TRIM21: variants seen among roughly 807,000 people sequenced by gnomAD.
The protein encoded by TRIM21 is tripartite motif containing 21.
A neutral mutation model predicts 36.1 loss-of-function variants in TRIM21; 35 were observed. The ratio of observed to expected loss-of-function variants is 0.97; its 90% CI spans 0.74 to 1.28. TRIM21 has a LOEUF of 1.28. TRIM21 is among the 50% of genes most tolerant of loss of function. The pLI, the probability that TRIM21 is intolerant of heterozygous loss-of-function variation, is 0.00. For synonymous variants in TRIM21, 256 were observed against 211.5 expected, an observed-to-expected ratio of 1.21 and a Z score of -1.83; for missense variants, 635 against 570.7, an observed-to-expected ratio of 1.11 and a Z score of -1.15.
Position 4,385,734 on chromosome 11 carries a change from T to C in TRIM21, c.979A>G (p.Ser327Gly). Reference protein sequence around the residue: ...SIPGNEERFDSYPMVLGAQHF... With the variant: ...SIPGNEERFDGYPMVLGAQHF... ...TGGGCACCCAGGACCATAGGATAAC[T>C]ATCAAATCTCTCTTCATTTCCAGGT... Residue 327 changes from serine to glycine, a missense_variant, in exon 7 of 7, where the codon AGT becomes GGT. Physicochemically the swap from Ser to Gly is moderately conservative, Grantham distance 56. Transcript: ENST00000254436. The C allele has an allele frequency of 6.2e-7, 1 of 1,613,328 alleles. No homozygotes were observed. The highest frequency in any genetic ancestry group is 8.5e-7 in the Non-Finnish European group (1 of 1,179,666).
rs1218159424 is a variant in TRIM21 at position 4,390,107 on chromosome 11, C to G, written c.303G>C (p.Leu101=). The G allele has an allele frequency of 1.1e-5, 18 of 1,614,038 alleles. No individual in the cohort carries two copies. Among genetic ancestry groups the G allele is most frequent in the Non-Finnish European group, 1.4e-5 (17 of 1,179,908 alleles). Residue 101 remains leucine, a synonymous_variant, in exon 2 of 7, where the codon CTG becomes CTC. Transcript: ENST00000254436. ...RCAVHGERLH[L]FCEKDGKALC... ...GGGCCTTCCCATCTTTCTCACAGAA[C>G]AGGTGAAGTCTCTCTCCATGCACTG...
chr11:4,390,049 G>T lies in TRIM21; in HGVS notation c.361C>A (p.Arg121Ser), dbSNP rs191468264. 1 of 1,613,934 alleles carries T rather than the reference G, an allele frequency of 6.2e-7. No individual in the cohort carries two copies. Among genetic ancestry groups the T allele is most frequent in the South Asian group, 1.1e-5 (1 of 91,076 alleles). Residue 121 changes from arginine (R) to serine (S), a missense_variant, in exon 2 of 7, where the codon CGT becomes AGT. Arg to Ser is a moderately radical substitution (Grantham distance 110). Coordinates refer to ENST00000254436, the MANE Select transcript of TRIM21 (RefSeq NM_003141.4). ...CWVCAQSRKH[R>S]DHAMVPLEEA... ...TCAAGAGGGACCATGGCGTGGTCACGGTGTTTCCGAGACTGGGCACATACC... is the reference window on the plus strand; with the variant it reads ...TCAAGAGGGACCATGGCGTGGTCACTGTGTTTCCGAGACTGGGCACATACC...
At chr11:4,389,909 C>T (rs2094960875) in intron 2 of TRIM21, 93 bp downstream of exon 2, 1 of 1,534,688 alleles carries the variant, frequency 6.5e-7, no homozygotes, top group Non-Finnish European at 8.9e-7. Context: ...GAGGTAAACC[C>T]CTCCTTTCTC....
Position 4,388,381 on chromosome 11 carries a change from CA to C in TRIM21, c.653del (p.Leu218ArgfsTer15). 2.5e-6 allele frequency: 4 copies of C among 1,613,984 alleles called. 1 individual carries two copies. The highest frequency in any genetic ancestry group is 1.7e-6 in the Non-Finnish European group (2 of 1,179,892). On this transcript the variant is annotated frameshift_variant, in exon 4 of 7. Transcript: ENST00000254436. LOFTEE classifies it high-confidence loss of function. Reference sequence around the variant, plus strand: ...CCTGTAGGGCCTGGCTCTGCTGGGCCAGCTTGGCCTCTTTCTCCCCCAGGAT... The same window carrying C: ...CCTGTAGGGCCTGGCTCTGCTGGGCCGCTTGGCCTCTTTCTCCCCCAGGAT... ...LRILGEKEAK[L>X]AQQSQALQEL...
chr11:4,389,941 G>T, intron 2 of TRIM21, 61 bp downstream of exon 2: 6 of 1,579,746 alleles, frequency 3.8e-6, no homozygotes, highest in Non-Finnish European at 5.2e-6. Flanking sequence ...ATCCAGAGGT[G>T]GTCCTCTCCC....
chr11:4,392,829 A>G (rs1361961936), intron 1 of TRIM21, among the ~76,000 whole-genome samples: 1 of 151,966 alleles, frequency 6.6e-6, no homozygotes, highest in Non-Finnish European at 1.5e-5. Context: ...TCCTGCTTAA[A>G]CCCTCAGTGC....
Position 4,385,487 on chromosome 11 carries a change from A to C in TRIM21, c.1226T>G (p.Ile409Ser). Residue 409 changes from isoleucine to serine, a missense_variant, in exon 7 of 7, where the codon ATT (isoleucine) becomes AGT (serine). Ile to Ser is a moderately radical substitution (Grantham distance 142). Transcript: ENST00000254436. ...CATGCCAGCCTCATAGTCCAGGAAA[A>C]TCCCAACTTGGCATGGAGGCACCTG... ...HLQVPPCQVG[I>S]FLDYEAGMVS... 1 of 1,612,164 alleles carries C rather than the reference A, an allele frequency of 6.2e-7. No individual in the cohort carries two copies. The highest frequency in any genetic ancestry group is 8.5e-7 in the Non-Finnish European group (1 of 1,179,084).
intron 4 of TRIM21, 140 bp downstream of exon 4, chr11:4,388,160 C>A (rs1422041987): frequency 1.3e-6 from 1 of 756,314 alleles, no homozygotes. Flanking sequence ...TGAACGCGAA[C>A]CTTTCATGGG....
rs531361182 is a variant in TRIM21, at chr11:4,385,544, G to A, written c.1169C>T (p.Ala390Val). 11 of 1,612,048 alleles carry A rather than the reference G, an allele frequency of 6.8e-6. No homozygotes were observed. The highest frequency in any genetic ancestry group is 3.4e-5 in the Admixed American group (2 of 59,676). The change falls in exon 7 of 7, where the codon GCT becomes GTT. Residue 390 changes from alanine (A) to valine (V), a missense_variant. By Grantham distance (64) the Ala-to-Val change is moderately conservative. Transcript: ENST00000254436. ...GAGGGGAGTCTGGGGGTAGGTGCCAGCCTCATATTTTTGTTTGTTCCACAA... is the reference window on the plus strand; with the variant it reads ...GAGGGGAGTCTGGGGGTAGGTGCCAACCTCATATTTTTGTTTGTTCCACAA... The part of the protein sequence containing the change: ...IWLWNKQKYE[A>V]GTYPQTPLHL...
Position 4,388,284 on chromosome 11 carries a change from C to A in TRIM21, c.735+16G>T, listed in dbSNP as rs887037196. The A allele has an allele frequency of 6.3e-7, 1 of 1,594,952 alleles. No homozygotes were observed. Among genetic ancestry groups the A allele is most frequent in the Non-Finnish European group, 8.6e-7 (1 of 1,167,044 alleles). On this transcript the variant is annotated intron_variant, in intron 4 of 6. Transcript: ENST00000254436. ...TTATTCCCTGAATTGTAGAAGGAAA[C>A]CCCTCCCTGTCTCACCTGCAGCAGT...
At chr11:4,392,946 A>G (rs1412668905) in intron 1 of TRIM21, among the ~76,000 whole-genome samples, 1 of 152,134 alleles carries the variant, frequency 6.6e-6, no homozygotes, top group Non-Finnish European at 1.5e-5. Flanking sequence ...TGCTTTGAAT[A>G]TATCTTCATT....
In TRIM21 at chr11:4,390,268, C is replaced by T. The variant is rs1004183011; in HGVS notation, c.142G>A (p.Gly48Ser). 6.2e-7 allele frequency: 1 copy of T among 1,613,972 alleles called. No homozygotes were observed. Among genetic ancestry groups the T allele is most frequent in the Non-Finnish European group, 8.5e-7 (1 of 1,179,892 alleles). ...ECISQVGKGG[G>S]SVCPVCRQRF... ...TGCCGGCACACAGGACAGACGCTGC[C>T]CCCACCTTTCCCAACCTGAGAGATG... The change falls in exon 2 of 7, where the codon GGC becomes AGC. Residue 48 changes from glycine (G) to serine (S), a missense_variant. Physicochemically the swap from Gly to Ser is moderately conservative, Grantham distance 56 (BLOSUM62 0). Transcript: ENST00000254436.
At position 4,388,383 on chromosome 11, in the gene TRIM21, G is replaced by T. The variant is rs752141663; in HGVS notation, c.652C>A (p.Leu218Met). The stretch of plus-strand genomic sequence containing the variant: ...TGTAGGGCCTGGCTCTGCTGGGCCA[G>T]CTTGGCCTCTTTCTCCCCCAGGATT... Reference protein sequence around the residue: ...LRILGEKEAKLAQQSQALQEL... With the variant: ...LRILGEKEAKMAQQSQALQEL... The change falls in exon 4 of 7, where the codon CTG becomes ATG. Residue 218 changes from leucine to methionine, a missense_variant. Transcript: ENST00000254436. The T allele has an allele frequency of 4.3e-6, 7 of 1,613,860 alleles. No individual in the cohort carries two copies. The African/African-American group carries it at 5.3e-5, about 12-fold the overall frequency.
intron 4 of TRIM21, among the ~76,000 whole-genome samples, chr11:4,387,983 A>C (rs1294135530): frequency 6.6e-6 from 1 of 152,204 alleles, no homozygotes. Context: ...CAGGTGTGGG[A>C]AAAGAGCTGT....
chr11:4,388,614 T>A lies in TRIM21; in HGVS notation c.505-84A>T, dbSNP rs145064089. ...ATGGAGGTATTGGTACCTATTCCTA[T>A]CCCCAAGAGACTCCACTCTGTGCTG... On this transcript the variant is annotated intron_variant, in intron 3 of 6. Coordinates refer to ENST00000254436, the MANE Select transcript of TRIM21 (RefSeq NM_003141.4). The A allele has an allele frequency of 2.0e-3, 2,641 of 1,328,276 alleles. 17 individuals are homozygous for A. The highest frequency in any genetic ancestry group is 4.2e-3 in the Middle Eastern group (23 of 5,468). 82.3% of individuals were successfully genotyped at this position (1,328,276 alleles called of 1,614,324 possible).
Position 4,385,276 on chromosome 11 carries a change from A to G in TRIM21, c.*9T>C. 6.2e-7 allele frequency: 1 copy of G among 1,605,314 alleles called. No homozygotes were observed. The highest frequency in any genetic ancestry group is 8.5e-7 in the Non-Finnish European group (1 of 1,175,954). On this transcript the variant is annotated 3_prime_UTR_variant, in exon 7 of 7. Coordinates refer to ENST00000254436, the MANE Select transcript of TRIM21 (RefSeq NM_003141.4). ...CAATGGGGAGAGTGGCAGTGTCCAG[A>G]GAAAGCCATCAATAGTCAGTGGATC...
rs754288887 is a variant in TRIM21 at position 4,385,759 on chromosome 11, T to A, written c.954A>T (p.Ile318=). 2 of 1,613,456 alleles carry A rather than the reference T, an allele frequency of 1.2e-6. No homozygotes were observed. Among genetic ancestry groups the A allele is most frequent in the African/African-American group, 2.7e-5 (2 of 74,900 alleles). ...TATCAAATCTCTCTTCATTTCCAGG[T>A]ATGCTCTGCTGGGTGTCTCCAAGCC... is the stretch of plus-strand genomic sequence containing the variant. The part of the protein sequence containing the change: ...QVRLGDTQQS[I]PGNEERFDSY... Residue 318 remains isoleucine (I), a synonymous_variant, in exon 7 of 7, where the codon ATA becomes ATT. Coordinates refer to ENST00000254436, the MANE Select transcript of TRIM21 (RefSeq NM_003141.4).
chr11:4,387,749 TGAACCCG>T, intron 4 of TRIM21, among the ~76,000 whole-genome samples: 1 of 152,070 alleles, frequency 6.6e-6, no homozygotes, highest in African/African-American at 2.4e-5. Context: ...GAGAATCGCT[TGAACCCG>T]GGAGGCGGAG....
At chr11:4,392,542 G>C (rs2133054808) in intron 1 of TRIM21, among the ~76,000 whole-genome samples, 1 of 116,366 alleles carries the variant, frequency 8.6e-6, no homozygotes, top group East Asian at 3.2e-4. Context: ...ACTCCAGCCT[G>C]GGTGACACGG....
Sources: gnomAD v4.1 joint callset for allele counts (sites outside exome capture counted in the v4.1 genomes callset) on GRCh38, gnomAD v4.1.1 for gene constraint, MANE v1.5 for transcripts, NCBI Gene and HGNC (gene_info 2026-07-23, HGNC 2026-07-21) for gene names.